VNN1: variants seen among roughly 807,000 people sequenced by gnomAD.
VNN1 encodes vanin 1.
In VNN1, 29 loss-of-function variants were observed where a neutral mutation model predicts 41.9. The ratio of observed to expected loss-of-function variants is 0.69; its 90% CI spans 0.52 to 0.94. VNN1 has a LOEUF of 0.94. VNN1 is among the 40% of genes least tolerant of loss of function. The pLI is 0.00. For missense variants in VNN1, 637 were observed against 621.1 expected (o/e 1.03, Z -0.27); for synonymous variants, 233 against 224.4 (o/e 1.04, Z -0.34).
chr6:132,706,515 T>C (rs1778521465), intron 2 of VNN1, among the ~76,000 whole-genome samples: 1 of 152,146 alleles, frequency 6.6e-6, no homozygotes, highest in Admixed American at 6.6e-5. Flanking sequence ...TAAAAATGAA[T>C]TATATACTTA....
chr6:132,706,501 C>G (rs1207825098), intron 2 of VNN1, among the ~76,000 whole-genome samples: 1 of 152,128 alleles, frequency 6.6e-6, no homozygotes, highest in Non-Finnish European at 1.5e-5. Context: ...ATACAAAAAT[C>G]AAATAAAAAT....
chr6:132,684,247 T>C (rs1778173210), intron 6 of VNN1, 88 bp downstream of exon 6: 7 of 1,325,252 alleles, frequency 5.3e-6, no homozygotes, highest in Non-Finnish European at 7.1e-6. Flanking sequence ...GGAAATTTTA[T>C]GATATTTGTA....
intron 2 of VNN1, among the ~76,000 whole-genome samples, chr6:132,709,993 A>G (rs1778576037): frequency 6.6e-6 from 1 of 152,214 alleles, no homozygotes; most frequent in Non-Finnish European, 1.5e-5. Flanking sequence ...ACTGGAATTT[A>G]TCAAAATCCA....
At position 132,711,693 on chromosome 6, in the gene VNN1, C is replaced by T; in HGVS notation, c.341+16G>A. On this transcript the variant is annotated intron_variant, in intron 2 of 6. Coordinates refer to ENST00000367928, the MANE Select transcript of VNN1 (RefSeq NM_004666.3). ...TTGATGTTTACTAGTGAATTTTTCA[C>T]AAGTTGTTTCTTTACCTGTTACGAT... 2 of 1,601,692 alleles carry T rather than the reference C, an allele frequency of 1.2e-6. No homozygotes were observed. Among genetic ancestry groups the T allele is most frequent in the East Asian group, 4.5e-5 (2 of 44,756 alleles).
chr6:132,693,640 C>T (rs1372361112), intron 3 of VNN1, among the ~76,000 whole-genome samples: 3 of 152,202 alleles, frequency 2.0e-5, no homozygotes, highest in African/African-American at 7.2e-5. Flanking sequence ...TTGTTCCATT[C>T]TCCTCAAGAC....
chr6:132,700,229 C>T (rs577128107), intron 2 of VNN1, among the ~76,000 whole-genome samples: 4 of 152,288 alleles, frequency 2.6e-5, no homozygotes, highest in African/African-American at 9.6e-5. Flanking sequence ...CATATCATTG[C>T]TACAGCAGTT....
chr6:132,713,764 C>T, intron 1 of VNN1, 62 bp downstream of exon 1: 1 of 1,570,930 alleles, frequency 6.4e-7, no homozygotes, highest in Non-Finnish European at 8.7e-7. Context: ...GTGGCCCTGT[C>T]TCCTAGGACC....
At chr6:132,692,083 A>G in intron 5 of VNN1, 140 bp downstream of exon 5, 5 of 988,870 alleles carry the variant, frequency 5.1e-6, no homozygotes, top group Non-Finnish European at 6.9e-6. Flanking sequence ...TTTCAAATAA[A>G]CAACAAAATT....
chr6:132,701,353 G>C (rs1167871238), intron 2 of VNN1, among the ~76,000 whole-genome samples: 1 of 152,162 alleles, frequency 6.6e-6, no homozygotes, highest in Non-Finnish European at 1.5e-5. Flanking sequence ...ATATAATTCA[G>C]ACATGTGCAC....
chr6:132,696,327 C>G (rs1375806844), intron 2 of VNN1, among the ~76,000 whole-genome samples: 1 of 152,124 alleles, frequency 6.6e-6, no homozygotes, highest in African/African-American at 2.4e-5. Context: ...TGAACAGAGC[C>G]TTAGGAACAC....
intron 6 of VNN1, among the ~76,000 whole-genome samples, 199 bp from the exon 7 acceptor site, chr6:132,683,521 C>A (rs1458494642): frequency 6.6e-6 from 1 of 152,130 alleles, no homozygotes; most frequent in Non-Finnish European, 1.5e-5. Flanking sequence ...TAGTGAGATG[C>A]CCGTAATCAA....
At chr6:132,687,714 C>T (rs933274537) in intron 5 of VNN1, among the ~76,000 whole-genome samples, 1 of 152,056 alleles carries the variant, frequency 6.6e-6, no homozygotes, top group Non-Finnish European at 1.5e-5. Context: ...GAAACCAGTG[C>T]AGAGAAAGGT....
At chr6:132,687,397 A>G (rs1342787312) in intron 5 of VNN1, among the ~76,000 whole-genome samples, 2 of 152,234 alleles carry the variant, frequency 1.3e-5, no homozygotes, top group East Asian at 3.8e-4. Context: ...AGAGGGCACA[A>G]GCCCAAAACA....
chr6:132,714,007 G>C lies in VNN1; in HGVS notation c.29C>G (p.Ala10Gly). MTTQLPAYV[A>G]ILLFYVSRAS... ...TCTTGAGACATAGAAAAGCAAAATTGCCACGTAAGCTGGCAACTGAGTAGT... is the reference window on the plus strand; with the variant it reads ...TCTTGAGACATAGAAAAGCAAAATTCCCACGTAAGCTGGCAACTGAGTAGT... The change falls in exon 1 of 7, where the codon GCA becomes GGA. Residue 10 changes from alanine to glycine, a missense_variant. Ala to Gly is a moderately conservative substitution (Grantham distance 60). Transcript: ENST00000367928. 1 of 1,613,828 alleles carries C rather than the reference G, an allele frequency of 6.2e-7. No homozygotes were observed. The highest frequency in any genetic ancestry group is 1.1e-5 in the South Asian group (1 of 91,068).
At position 132,682,494 on chromosome 6, in the gene VNN1, C is replaced by G. The variant is rs1778140468; in HGVS notation, c.*646G>C. 2.0e-5 allele frequency: 3 copies of G among 152,494 alleles called. No homozygotes were observed. Among genetic ancestry groups the G allele is most frequent in the Admixed American group, 1.3e-4 (2 of 15,282 alleles). The allele number at this position is 152,494 out of a possible 1,614,324, so 9.4% of individuals were successfully genotyped here. Reference sequence around the variant, plus strand: ...CTCTTCTTAGCTTGTAAAGAGTTGTCCTTCCTCTGTGTCTCCTTATGGTCT... The same window carrying G: ...CTCTTCTTAGCTTGTAAAGAGTTGTGCTTCCTCTGTGTCTCCTTATGGTCT... On this transcript the variant is annotated 3_prime_UTR_variant, in exon 7 of 7. Transcript: ENST00000367928.
chr6:132,713,452 A>C (rs2114381514), intron 1 of VNN1, among the ~76,000 whole-genome samples: 1 of 152,362 alleles, frequency 6.6e-6, no homozygotes, highest in Non-Finnish European at 1.5e-5. Context: ...GCAAAGCCTT[A>C]ATAGCACATG....
At chr6:132,711,278 A>G (rs779799604) in intron 2 of VNN1, among the ~76,000 whole-genome samples, 12 of 151,770 alleles carry the variant, frequency 7.9e-5, no homozygotes, top group Non-Finnish European at 1.6e-4. Flanking sequence ...AAATCCTGCC[A>G]TATCACCTCT....
intron 2 of VNN1, among the ~76,000 whole-genome samples, chr6:132,704,136 C>T (rs1194271672): frequency 6.6e-6 from 1 of 151,864 alleles, no homozygotes; most frequent in Non-Finnish European, 1.5e-5. Flanking sequence ...CTACTTTCAG[C>T]ATTGGACAGA....
At position 132,684,280 on chromosome 6, in the gene VNN1, T is replaced by A. The variant is rs1162453636; in HGVS notation, c.1359+55A>T. On this transcript the variant is annotated intron_variant, in intron 6 of 6. Coordinates refer to ENST00000367928, the MANE Select transcript of VNN1 (RefSeq NM_004666.3). Reference sequence around the variant, plus strand: ...GTAAGCACTTGAGCAGATTTTTATATCAAAAAGTGCTTCCTCTTACATGAA... The same window carrying A: ...GTAAGCACTTGAGCAGATTTTTATAACAAAAAGTGCTTCCTCTTACATGAA... 1.9e-6 allele frequency: 3 copies of A among 1,538,764 alleles called. No homozygotes were observed. The African/African-American group carries it at 4.1e-5, about 21-fold the overall frequency.
Sources: gnomAD v4.1 joint callset for allele counts (sites outside exome capture counted in the v4.1 genomes callset) on GRCh38, gnomAD v4.1.1 for gene constraint, MANE v1.5 for transcripts, NCBI Gene and HGNC (gene_info 2026-07-23, HGNC 2026-07-21) for gene names.